The following POLR1F variants were observed in gnomAD, a reference collection of about 807,000 sequenced individuals.
POLR1F encodes DNA-directed RNA polymerase I subunit RPA43.
In POLR1F, 23 loss-of-function variants were observed where a neutral mutation model predicts 21.8. That is an observed-to-expected ratio of 1.05 (90% CI 0.76 to 1.49). POLR1F has a LOEUF of 1.49. Ranked by LOEUF, POLR1F falls within the 40% of genes most tolerant of loss-of-function variation. POLR1F has a pLI of 0.00. For synonymous variants in POLR1F, 162 were observed against 152.8 expected (o/e 1.06, Z -0.45); for missense variants, 435 against 412.1 (o/e 1.06, Z -0.48).
Position 19,704,888 on chromosome 7 carries a change from A to AC in POLR1F, c.286_287insG (p.Ile96SerfsTer12). The AC allele has an allele frequency of 6.2e-7, 1 of 1,604,346 alleles. No individual in the cohort carries two copies. Among genetic ancestry groups the AC allele is most frequent in the Non-Finnish European group, 8.5e-7 (1 of 1,176,876 alleles). ...ATCTCCAAGCTCTCCCACAACTTTG[A>AC]TGTTATCATATGCAATAGGGACACC... On this transcript the variant is annotated frameshift_variant, in exon 2 of 4. Coordinates refer to ENST00000222567, the MANE Select transcript of POLR1F (RefSeq NM_001002926.2). LOFTEE classifies it high-confidence loss of function.
In POLR1F at chr7:19,708,864, C is replaced by G; in HGVS notation, c.153G>C (p.Gly51=). The change falls in exon 1 of 4, where the codon GGG becomes GGC. Residue 51 remains glycine (G), a synonymous_variant. Transcript: ENST00000222567. ...ACAGCGCGATGTGCCTTTGGTGCGG[C>G]CCGGCCACCAGGCATGAGTAGCGAC... is the stretch of plus-strand genomic sequence containing the variant. ...VNSRYSCLVA[G]PHQRHIALSP... is the part of the protein sequence containing the mutation. 6.2e-7 allele frequency: 1 copy of G among 1,614,202 alleles called. No homozygotes were observed.
Position 19,698,713 on chromosome 7 carries a change from C to G in POLR1F, c.620G>C (p.Arg207Pro), listed in dbSNP as rs774898966. The change falls in exon 4 of 4, where the codon CGC (arginine) becomes CCC (proline). Residue 207 changes from arginine to proline, a missense_variant. Transcript: ENST00000222567. Reference sequence around the variant, plus strand: ...TGTAACTTCTTCAGAAACTTCAGAGCGCTTGAATTGTAAACTATAAATTAA... The same window carrying G: ...TGTAACTTCTTCAGAAACTTCAGAGGGCTTGAATTGTAAACTATAAATTAA... ...KLNITSLQFK[R>P]SEVSEEVTEN... The G allele has an allele frequency of 2.5e-4, 385 of 1,539,062 alleles. No homozygotes were observed. The highest frequency in any genetic ancestry group is 3.3e-4 in the Non-Finnish European group (376 of 1,153,070).
Position 19,700,152 on chromosome 7 carries a change from A to C in POLR1F, c.525T>G (p.Asp175Glu). 1 of 1,613,984 alleles carries C rather than the reference A, an allele frequency of 6.2e-7. No homozygotes were observed. Among genetic ancestry groups the C allele is most frequent in the Non-Finnish European group, 8.5e-7 (1 of 1,179,854 alleles). Residue 175 changes from aspartate to glutamate, a missense_variant, in exon 3 of 4, where the codon GAT becomes GAG. By Grantham distance (45) the Asp-to-Glu change is conservative (BLOSUM62 2). Transcript: ENST00000222567. ...QWQTMEINMG[D>E]ELEFEVFRLD... ...AACGAAATACTTCAAATTCTAGTTCATCACCCATGTTTATCTCCATGGTTT... is the reference window on the plus strand; with the variant it reads ...AACGAAATACTTCAAATTCTAGTTCCTCACCCATGTTTATCTCCATGGTTT...
At chr7:19,704,752 G>A (rs1365709139) in intron 2 of POLR1F, 27 bp downstream of exon 2, 7 of 1,561,570 alleles carry the variant, frequency 4.5e-6, no homozygotes, top group Non-Finnish European at 5.2e-6. Context: ...TTATACAAAG[G>A]GAGCTAGAAA....
At chr7:19,708,634 AAATCCAGGGGGCT>A in intron 1 of POLR1F, 116 bp downstream of exon 1, 1 of 1,334,762 alleles carries the variant, frequency 7.5e-7, no homozygotes, top group South Asian at 1.3e-5. Context: ...GCGACTCTAG[AAATCCAGGGGGCT>A]AAGCTCTGGG....
intron 3 of POLR1F, among the ~76,000 whole-genome samples, chr7:19,699,239 A>C (rs1783418849): frequency 6.6e-6 from 1 of 152,180 alleles, no homozygotes; most frequent in Non-Finnish European, 1.5e-5. Flanking sequence ...AGATAGTATT[A>C]CTTTAACATT....
At position 19,698,296 on chromosome 7, in the gene POLR1F, T is replaced by C. The variant is rs746729280; in HGVS notation, c.*20A>G. 4.2e-5 allele frequency: 64 copies of C among 1,529,628 alleles called. No individual in the cohort carries two copies. The highest frequency in any genetic ancestry group is 4.9e-5 in the Non-Finnish European group (56 of 1,146,674). The allele number at this position is 1,529,628 out of a possible 1,614,324, so 94.8% of individuals were successfully genotyped here. On this transcript the variant is annotated 3_prime_UTR_variant, in exon 4 of 4. Transcript: ENST00000222567. ...GTATGTAGATCGATCTTTTAAAAAC[T>C]GAATCGTGTTTAAAATACACTAAAG...
intron 2 of POLR1F, among the ~76,000 whole-genome samples, chr7:19,704,565 G>A (rs1373674986): frequency 1.3e-5 from 2 of 152,036 alleles, no homozygotes; most frequent in African/African-American, 2.4e-5. Flanking sequence ...AAGTGGATGG[G>A]ACATATATCG....
Position 19,698,665 on chromosome 7 carries a change from G to T in POLR1F, c.668C>A (p.Ala223Asp). The change falls in exon 4 of 4, where the codon GCT becomes GAT. Residue 223 changes from alanine (A) to aspartate (D), a missense_variant. Coordinates refer to ENST00000222567, the MANE Select transcript of POLR1F (RefSeq NM_001002926.2). ...CTTTTTCTTCTTTTTAGGTTTTTTA[G>T]CAGCTTCCTCAGTGCCATTTTCTGT... ...EVTENGTEEA[A>D]KKPKKKKKKK... 6.3e-7 allele frequency: 1 copy of T among 1,589,602 alleles called. No individual in the cohort carries two copies.
At chr7:19,702,899 G>C (rs74769828) in intron 2 of POLR1F, among the ~76,000 whole-genome samples, 1 of 152,180 alleles carries the variant, frequency 6.6e-6, no homozygotes, top group South Asian at 2.1e-4. Context: ...CAGAGTAAAT[G>C]AAGTGTTGAA....
chr7:19,708,082 G>A (rs1214763639), intron 1 of POLR1F, among the ~76,000 whole-genome samples: 1 of 151,936 alleles, frequency 6.6e-6, no homozygotes, highest in Non-Finnish European at 1.5e-5. Flanking sequence ...AAGTTTTCAA[G>A]TCACTTTTGA....
intron 1 of POLR1F, among the ~76,000 whole-genome samples, chr7:19,706,540 T>C (rs1231144839): frequency 1.3e-5 from 2 of 152,196 alleles, no homozygotes; most frequent in African/African-American, 4.8e-5. Flanking sequence ...GAGTCTGTCA[T>C]GTACAGGACA....
In POLR1F at chr7:19,700,230, C is replaced by A; in HGVS notation, c.447G>T (p.Gly149=). Residue 149 remains glycine, a synonymous_variant, in exon 3 of 4, where the codon GGG becomes GGT. Coordinates refer to ENST00000222567, the MANE Select transcript of POLR1F (RefSeq NM_001002926.2). Reference sequence around the variant, plus strand: ...GTTTAGGAATGGAGGCATTGAAACACCCATGTACTAAACAGCCAATGTGGC... The same window carrying A: ...GTTTAGGAATGGAGGCATTGAAACAACCATGTACTAAACAGCCAATGTGGC... The part of the protein sequence containing the change: ...SSSHIGCLVH[G]CFNASIPKPE... 6.2e-7 allele frequency: 1 copy of A among 1,613,786 alleles called. No individual in the cohort carries two copies. Among genetic ancestry groups the A allele is most frequent in the Non-Finnish European group, 8.5e-7 (1 of 1,179,776 alleles).
chr7:19,708,384 C>T (rs2072186), intron 1 of POLR1F, among the ~76,000 whole-genome samples: 27,089 of 152,110 alleles, frequency 0.18, 3,129 homozygotes, highest in East Asian at 0.59. Flanking sequence ...AGATTTTTAT[C>T]GTCAAATGAG....
rs1470960967 is a variant in POLR1F at position 19,696,255 on chromosome 7, C to G, written c.*2061G>C. 1.3e-5 allele frequency: 2 copies of G among 151,928 alleles called. No homozygotes were observed. Among genetic ancestry groups the G allele is most frequent in the Non-Finnish European group, 2.9e-5 (2 of 67,914 alleles). The allele number at this position is 151,928 out of a possible 1,614,324, so 9.4% of individuals were successfully genotyped here. The stretch of plus-strand genomic sequence containing the variant: ...TGCTATTCTAGGAAAGACAAATGGC[C>G]AGATCTGACTTTTCAAAACTACTCA... On this transcript the variant is annotated 3_prime_UTR_variant, in exon 4 of 4. Coordinates refer to ENST00000222567, the MANE Select transcript of POLR1F (RefSeq NM_001002926.2).
At chr7:19,708,452 ACTAGGTCT>A (rs1783567142) in intron 1 of POLR1F, among the ~76,000 whole-genome samples, 1 of 152,214 alleles carries the variant, frequency 6.6e-6, no homozygotes, top group East Asian at 1.9e-4. Flanking sequence ...AACTGGGCCT[ACTAGGTCT>A]CCAGATCCCT....
At chr7:19,708,062 CT>C (rs1783556657) in intron 1 of POLR1F, among the ~76,000 whole-genome samples, 1 of 152,098 alleles carries the variant, frequency 6.6e-6, no homozygotes, top group African/African-American at 2.4e-5. Context: ...CCCCACACCT[CT>C]GTAATTCTAA....
chr7:19,707,113 C>A lies in POLR1F; in HGVS notation c.254+1650G>T, dbSNP rs530143166. Among the ~76,000 whole-genome samples, 4 of 152,328 alleles carry A rather than the reference C, an allele frequency of 2.6e-5. No individual in the cohort carries two copies. In the East Asian group the frequency reaches 5.8e-4, roughly 22 times the overall value. On this transcript the variant is annotated intron_variant, in intron 1 of 3. Coordinates refer to ENST00000222567, the MANE Select transcript of POLR1F (RefSeq NM_001002926.2). ...TTGTATATCCTTTAATTTCTCAAAT[C>A]CATCCTCTCTAATCATTTTCTCTTG... is the stretch of plus-strand genomic sequence containing the variant.
At chr7:19,702,471 G>C (rs368548351) in intron 2 of POLR1F, among the ~76,000 whole-genome samples, 2 of 152,288 alleles carry the variant, frequency 1.3e-5, no homozygotes, top group South Asian at 4.1e-4. Context: ...AAAGCTTGTA[G>C]AAGTCGACAG....
Sources: allele counts gnomAD v4.1 joint callset (sites outside exome capture counted in the v4.1 genomes callset), GRCh38; gene constraint gnomAD v4.1.1; transcripts MANE v1.5; gene names NCBI Gene and HGNC (gene_info 2026-07-23, HGNC 2026-07-21).